Variants in JMJD1C observed in about 807,000 individuals in gnomAD.
The protein encoded by JMJD1C is jumonji domain containing 1C.
Under a neutral mutation model 245.3 loss-of-function variants are expected in JMJD1C, and 31 were observed. The ratio of observed to expected loss-of-function variants is 0.13; its 90% confidence interval spans 0.09 to 0.17. The LOEUF (loss-of-function observed/expected upper bound fraction) is 0.17, where lower values mean the gene tolerates loss of function less well. Among genes scored for constraint, JMJD1C ranks in the 10% least tolerant of loss-of-function variants. The pLI is 1.00. For missense variants in JMJD1C, 2,691 were observed against 3,000.2 expected (o/e 0.90, Z 2.41); for synonymous variants, 1,057 against 1,017.4 (o/e 1.04, Z -0.74).
intron 3 of JMJD1C, among the ~76,000 whole-genome samples, chr10:63,220,701 T>C (rs1250284681): frequency 6.6e-6 from 1 of 152,184 alleles, no homozygotes; most frequent in Non-Finnish European, 1.5e-5. Context: ...CTGTTCTCTC[T>C]CTCTCTCTCT....
At chr10:63,306,444 A>T (rs987087198) in intron 2 of JMJD1C, among the ~76,000 whole-genome samples, 1 of 152,202 alleles carries the variant, frequency 6.6e-6, no homozygotes, top group Non-Finnish European at 1.5e-5. Flanking sequence ...GGTCTCATCA[A>T]TACAGAGCCT....
intron 3 of JMJD1C, among the ~76,000 whole-genome samples, chr10:63,244,482 A>G (rs1851911308): frequency 6.6e-6 from 1 of 152,194 alleles, no homozygotes; most frequent in African/African-American, 2.4e-5. Context: ...AGAATAACCA[A>G]TCCTTCAATG....
chr10:63,239,102 T>C (rs1199638389), intron 3 of JMJD1C, among the ~76,000 whole-genome samples: 3 of 152,214 alleles, frequency 2.0e-5, no homozygotes, highest in African/African-American at 7.2e-5. Context: ...CCAAGGTTTT[T>C]GAGTTGGAAC....
intron 1 of JMJD1C, among the ~76,000 whole-genome samples, chr10:63,435,006 C>G (rs1451437052): frequency 6.6e-6 from 1 of 152,164 alleles, no homozygotes; most frequent in Non-Finnish European, 1.5e-5. Flanking sequence ...TTTAGAACAC[C>G]AATTAAAATC....
chr10:63,482,279 T>C (rs767919642), intron 1 of JMJD1C, among the ~76,000 whole-genome samples: 4 of 152,156 alleles, frequency 2.6e-5, no homozygotes, highest in African/African-American at 9.7e-5. Flanking sequence ...AAGTAAATAA[T>C]CAGAAAGTAC....
intron 2 of JMJD1C, among the ~76,000 whole-genome samples, chr10:63,282,605 G>A (rs1044095948): frequency 5.9e-5 from 9 of 152,264 alleles, no homozygotes; most frequent in East Asian, 5.8e-4. Context: ...ATGTTAAGGG[G>A]TAACAAAGTT....
At chr10:63,222,781 G>A in intron 3 of JMJD1C, 2 of 1,473,122 alleles carry the variant, frequency 1.4e-6, no homozygotes, top group Non-Finnish European at 1.9e-6. Flanking sequence ...TGGAAGTTTT[G>A]AAGTCAATTC....
chr10:63,245,797 T>G (rs1040274267), intron 3 of JMJD1C, among the ~76,000 whole-genome samples: 1 of 152,174 alleles, frequency 6.6e-6, no homozygotes, highest in East Asian at 1.9e-4. Context: ...CTCCTCTCTT[T>G]AAAGCCATCA....
rs746935324 is a variant in JMJD1C at position 63,465,475 on chromosome 10, G to T, written c.168+20C>A. On this transcript the variant is annotated intron_variant, in intron 1 of 25. Transcript: ENST00000399262. Reference sequence around the variant, plus strand: ...GGGTGCGGGCGCGGCAGGGGAAAAGGGGGGCGCTGACTCTCTTACCGCCAG... The same window carrying T: ...GGGTGCGGGCGCGGCAGGGGAAAAGTGGGGCGCTGACTCTCTTACCGCCAG... 6.3e-6 allele frequency: 10 copies of T among 1,583,482 alleles called. No individual in the cohort carries two copies. Among genetic ancestry groups the T allele is most frequent in the South Asian group, 1.1e-5 (1 of 87,836 alleles).
chr10:63,251,728 A>G (rs1427299277), intron 3 of JMJD1C, among the ~76,000 whole-genome samples: 1 of 152,182 alleles, frequency 6.6e-6, no homozygotes, highest in African/African-American at 2.4e-5. Flanking sequence ...TCTGTTGCCC[A>G]CTTCTTCGTC....
At chr10:63,348,370 T>C (rs115405439) in intron 2 of JMJD1C, among the ~76,000 whole-genome samples, 2,254 of 152,270 alleles carry the variant, frequency 0.015, 50 homozygotes, top group African/African-American at 0.052. Context: ...CTATCTGAAC[T>C]AAAACTGGCT....
intron 2 of JMJD1C, among the ~76,000 whole-genome samples, chr10:63,309,494 C>CA (rs71025153): frequency 0.6 from 29,432 of 49,270 alleles, 9,195 homozygotes; most frequent in Non-Finnish European, 0.69. Context: ...GACTCCATCT[C>CA]AAAAAAAAAA....
At position 63,177,764 on chromosome 10, in the gene JMJD1C, T is replaced by C. The variant is rs1278808033; in HGVS notation, c.7177A>G (p.Ile2393Val). The stretch of plus-strand genomic sequence containing the variant: ...TTGTCAACATCTTTCCCAGCATAAA[T>C]ATGCCACAGAGCACCAGGTATTTCA... ...SSEIPGALWH[I>V]YAGKDVDKIR... Residue 2393 changes from isoleucine to valine, a missense_variant, in exon 23 of 26, where the codon ATT (isoleucine) becomes GTT (valine). Physicochemically the swap from Ile to Val is conservative, Grantham distance 29. Around this residue, in one of 9 missense-constraint regions of JMJD1C, gnomAD observed 232 missense variants for 416.1 expected, o/e 0.56. Transcript: ENST00000399262. 6.2e-7 allele frequency: 1 copy of C among 1,614,104 alleles called. No individual in the cohort carries two copies. The highest frequency in any genetic ancestry group is 8.5e-7 in the Non-Finnish European group (1 of 1,179,944).
At chr10:63,371,654 G>T (rs1946331874) in intron 2 of JMJD1C, among the ~76,000 whole-genome samples, 1 of 147,344 alleles carries the variant, frequency 6.8e-6, no homozygotes, top group African/African-American at 2.5e-5. Flanking sequence ...GAATCAAAGA[G>T]TATGAACTTC....
chr10:63,281,539 C>T (rs1291292974), intron 2 of JMJD1C, among the ~76,000 whole-genome samples: 2 of 123,240 alleles, frequency 1.6e-5, no homozygotes, highest in African/African-American at 6.2e-5. Flanking sequence ...GGTATGATCT[C>T]GGCTCACTGC....
chr10:63,478,543 G>C (rs1330787047), intron 1 of JMJD1C, among the ~76,000 whole-genome samples: 1 of 152,148 alleles, frequency 6.6e-6, no homozygotes, highest in Non-Finnish European at 1.5e-5. Flanking sequence ...AAACTCAAAA[G>C]AAACATTATA....
chr10:63,192,880 T>C, intron 16 of JMJD1C, 58 bp downstream of exon 16: 1 of 1,238,128 alleles, frequency 8.1e-7, no homozygotes, highest in East Asian at 2.3e-5. Flanking sequence ...AATAGTACAT[T>C]GTTGGTTAGT....
intron 1 of JMJD1C, among the ~76,000 whole-genome samples, chr10:63,398,949 T>C (rs1196316706): frequency 6.6e-6 from 1 of 152,188 alleles, no homozygotes; most frequent in African/African-American, 2.4e-5. Flanking sequence ...TCCTGGCCAC[T>C]GGAATATATT....
chr10:63,485,851 G>A (rs545323380), intron 1 of JMJD1C, among the ~76,000 whole-genome samples: 9 of 152,174 alleles, frequency 5.9e-5, no homozygotes, highest in Non-Finnish European at 1.3e-4. Context: ...CCTTGTACAG[G>A]GATCCAAAAG....
Sources: gnomAD v4.1 joint callset for allele counts (sites outside exome capture counted in the v4.1 genomes callset) on GRCh38, gnomAD v4.1.1 for gene constraint, gnomAD v4.1.1 regional missense constraint, MANE v1.5 for transcripts, NCBI Gene and HGNC (gene_info 2026-07-23, HGNC 2026-07-21) for gene names.